ZNF33B: variants seen among roughly 807,000 people sequenced by gnomAD.
The protein encoded by ZNF33B is zinc finger protein 11b (KOX 2).
A neutral mutation model predicts 45.8 loss-of-function variants in ZNF33B; 29 were observed. That is an observed-to-expected ratio of 0.63 (90% CI 0.47 to 0.86). The LOEUF (loss-of-function observed/expected upper bound fraction) is 0.86. Ranked by LOEUF, ZNF33B falls within the 40% of genes least tolerant of loss-of-function variation. The pLI is 0.00. For synonymous variants in ZNF33B, 305 were observed against 307.8 expected, an observed-to-expected ratio of 0.99 and a Z score of 0.10; for missense variants, 831 against 909.9, an observed-to-expected ratio of 0.91 and a Z score of 1.12.
rs903929352 is a variant in ZNF33B at position 42,593,260 on chromosome 10, G to T, written c.1690C>A (p.His564Asn). 1.2e-6 allele frequency: 2 copies of T among 1,614,020 alleles called. No homozygotes were observed. Among genetic ancestry groups the T allele is most frequent in the African/African-American group, 2.7e-5 (2 of 75,004 alleles). Residue 564 changes from histidine (H) to asparagine (N), a missense_variant, in exon 5 of 5, where the codon CAT becomes AAT. Transcript: ENST00000359467. ...TAATGTTGAGAGAGGGTTGACTTATGGCTAAAGAATTTCCCACATTCAGGA... is the reference window on the plus strand; with the variant it reads ...TAATGTTGAGAGAGGGTTGACTTATTGCTAAAGAATTTCCCACATTCAGGA... ...ACPECGKFFS[H>N]KSTLSQHYRT...
chr10:42,612,726 T>TA (rs1302472888), intron 4 of ZNF33B, among the ~76,000 whole-genome samples: 1 of 152,234 alleles, frequency 6.6e-6, no homozygotes, highest in Non-Finnish European at 1.5e-5. Context: ...AAAAAAGTGT[T>TA]AGGAAGGTTC....
At chr10:42,614,740 G>A (rs1838240294) in intron 4 of ZNF33B, among the ~76,000 whole-genome samples, 1 of 152,130 alleles carries the variant, frequency 6.6e-6, no homozygotes. Flanking sequence ...TGGATCATGA[G>A]GTCAGGAGTT....
At chr10:42,627,769 C>G (rs755164295) in intron 4 of ZNF33B, among the ~76,000 whole-genome samples, 1 of 152,090 alleles carries the variant, frequency 6.6e-6, no homozygotes, top group Non-Finnish European at 1.5e-5. Flanking sequence ...TTTGAGGCCC[C>G]TTCTTCACTC....
intron 4 of ZNF33B, among the ~76,000 whole-genome samples, chr10:42,596,054 T>C (rs114627551): frequency 0.017 from 2,545 of 151,902 alleles, 76 homozygotes; most frequent in African/African-American, 0.058. Flanking sequence ...GAAAGAAAGT[T>C]CTGGATAAAG....
rs184292777 is a variant in ZNF33B, at chr10:42,584,049, T to C, written c.74-9371A>G. Among the ~76,000 whole-genome samples, 48 of 152,268 alleles carry C rather than the reference T, an allele frequency of 3.2e-4. 1 individual carries two copies. In the East Asian group the frequency reaches 8.3e-3, roughly 26 times the overall value. The stretch of plus-strand genomic sequence containing the variant: ...CTCCCTCCAACTCCCCCAGCAGCCA[T>C]TGGTCATCTGTACCAGCCCTTCCTC... On this transcript the variant is annotated intron_variant, in intron 1 of 1. Transcript: ENST00000462075.
At chr10:42,618,967 A>G (rs1195754526) in intron 4 of ZNF33B, among the ~76,000 whole-genome samples, 1 of 152,070 alleles carries the variant, frequency 6.6e-6, no homozygotes, top group Non-Finnish European at 1.5e-5. Flanking sequence ...TGTGTTGCCT[A>G]TTGATAGTCC....
At position 42,589,737 on chromosome 10, in the gene ZNF33B, T is replaced by C. The variant is rs183198114; in HGVS notation, c.*2876A>G. 1.1e-4 allele frequency: 16 copies of C among 152,348 alleles called. No homozygotes were observed. Among genetic ancestry groups the C allele is most frequent in the African/African-American group, 3.4e-4 (14 of 41,588 alleles). 9.4% of individuals were successfully genotyped at this position (152,348 alleles called of 1,614,324 possible). On this transcript the variant is annotated 3_prime_UTR_variant, in exon 5 of 5. Coordinates refer to ENST00000359467, the MANE Select transcript of ZNF33B (RefSeq NM_006955.3). ...ATTTTCTACAAAGACAATCATGTTA[T>C]TTGAGAACAAAGACAGTTGTATTTC... is the stretch of plus-strand genomic sequence containing the variant.
chr10:42,609,163 C>T (rs1837994165), intron 4 of ZNF33B, among the ~76,000 whole-genome samples: 1 of 152,132 alleles, frequency 6.6e-6, no homozygotes, highest in South Asian at 2.1e-4. Flanking sequence ...TGCCTGTAAT[C>T]CTACAACTTT....
At chr10:42,581,006 A>G (rs547264450) in intron 1 of ZNF33B, among the ~76,000 whole-genome samples, 2 of 152,298 alleles carry the variant, frequency 1.3e-5, no homozygotes, top group African/African-American at 4.8e-5. Flanking sequence ...CAGACTGTCA[A>G]CAACTAAGTA....
At chr10:42,622,017 C>G (rs536335705) in intron 4 of ZNF33B, among the ~76,000 whole-genome samples, 1 of 152,094 alleles carries the variant, frequency 6.6e-6, no homozygotes, top group East Asian at 1.9e-4. Flanking sequence ...CACAAAAATC[C>G]GTTGTGTTGC....
intron 4 of ZNF33B, among the ~76,000 whole-genome samples, chr10:42,618,024 T>A (rs1838402566): frequency 6.6e-6 from 1 of 152,152 alleles, no homozygotes; most frequent in Non-Finnish European, 1.5e-5. Flanking sequence ...CTCCCTTCTT[T>A]CTCAATCCAC....
chr10:42,584,412 T>C (rs1308171208), downstream of ZNF33B, among the ~76,000 whole-genome samples: 1 of 152,074 alleles, frequency 6.6e-6, no homozygotes, highest in Non-Finnish European at 1.5e-5. Context: ...CCCCAGGGTG[T>C]GGTGGTCAAA....
intron 4 of ZNF33B, among the ~76,000 whole-genome samples, chr10:42,629,127 T>C (rs886506853): frequency 1.3e-5 from 2 of 152,004 alleles, no homozygotes; most frequent in African/African-American, 4.8e-5. Context: ...CATTCACCCA[T>C]AAAAAAGAAT....
Position 42,592,588 on chromosome 10 carries a change from T to G in ZNF33B, c.*25A>C. On this transcript the variant is annotated 3_prime_UTR_variant, in exon 5 of 5. Transcript: ENST00000359467. Reference sequence around the variant, plus strand: ...CTGAGGCATTATGGAGGCTGACTTGTGGCTGGAAATTTCTAATATCCAATT... The same window carrying G: ...CTGAGGCATTATGGAGGCTGACTTGGGGCTGGAAATTTCTAATATCCAATT... The G allele has an allele frequency of 6.3e-7, 1 of 1,598,376 alleles. No individual in the cohort carries two copies. Among genetic ancestry groups the G allele is most frequent in the Non-Finnish European group, 8.5e-7 (1 of 1,172,106 alleles).
At position 42,592,492 on chromosome 10, in the gene ZNF33B, A is replaced by G. The variant is rs1837171458; in HGVS notation, c.*121T>C. On this transcript the variant is annotated 3_prime_UTR_variant, in exon 5 of 5. Transcript: ENST00000359467. ...TCCCCTACTGTTACTTTGGAGTAAC[A>G]TAAGGCGAGTTTGTGGATAGTTATT... The G allele has an allele frequency of 5.9e-6, 8 of 1,362,238 alleles. No homozygotes were observed. Among genetic ancestry groups the G allele is most frequent in the East Asian group, 4.6e-5 (2 of 43,422 alleles). The allele number at this position is 1,362,238 out of a possible 1,614,324, so 84.4% of individuals were successfully genotyped here.
intron 4 of ZNF33B, among the ~76,000 whole-genome samples, chr10:42,624,117 C>T (rs541743968): frequency 1.1e-4 from 16 of 152,306 alleles, no homozygotes; most frequent in East Asian, 7.7e-4. Context: ...CTTTCCTCTA[C>T]GCACATGGAG....
chr10:42,601,823 GCTT>G (rs1358871028), intron 4 of ZNF33B, among the ~76,000 whole-genome samples: 2 of 150,834 alleles, frequency 1.3e-5, no homozygotes, highest in South Asian at 2.1e-4. Context: ...CATTTGTATG[GCTT>G]CTATTACTGT....
intron 1 of ZNF33B, among the ~76,000 whole-genome samples, chr10:42,576,913 A>G (rs1002761116): frequency 6.6e-6 from 1 of 152,104 alleles, no homozygotes; most frequent in Non-Finnish European, 1.5e-5. Context: ...CGGCTGGATC[A>G]CCTGAGGTTA....
At chr10:42,608,608 G>C (rs996507781) in intron 4 of ZNF33B, among the ~76,000 whole-genome samples, 2 of 151,872 alleles carry the variant, frequency 1.3e-5, no homozygotes, top group African/African-American at 4.8e-5. Context: ...TAAAAATGAA[G>C]ACATACTCAA....
Sources: gnomAD v4.1 joint callset for allele counts (sites outside exome capture counted in the v4.1 genomes callset) on GRCh38, gnomAD v4.1.1 for gene constraint, MANE v1.5 for transcripts, NCBI Gene and HGNC (gene_info 2026-07-23, HGNC 2026-07-21) for gene names.